GNG12: variants seen among roughly 807,000 people sequenced by gnomAD.
GNG12 encodes the protein guanine nucleotide-binding protein G(I)/G(S)/G(O) subunit gamma-12.
For synonymous variants in GNG12, 28 were observed against 29.7 expected, an observed-to-expected ratio of 0.94 and a Z score of 0.19; for missense variants, 69 against 83.8, an observed-to-expected ratio of 0.82 and a Z score of 0.69.
chr1:67,731,162 T>C (rs1313819192), intron 2 of GNG12, among the ~76,000 whole-genome samples: 1 of 152,152 alleles, frequency 6.6e-6, no homozygotes, highest in Non-Finnish European at 1.5e-5. Flanking sequence ...CTTGAGATTC[T>C]ACCCATGCTT....
intron 2 of GNG12, among the ~76,000 whole-genome samples, chr1:67,737,279 G>C (rs1199612462): frequency 6.6e-6 from 1 of 152,164 alleles, no homozygotes; most frequent in African/African-American, 2.4e-5. Flanking sequence ...CTAAAGCAAA[G>C]TCTAATTATA....
chr1:67,776,882 C>T (rs1201802246), intron 2 of GNG12, among the ~76,000 whole-genome samples: 1 of 152,124 alleles, frequency 6.6e-6, no homozygotes, highest in Non-Finnish European at 1.5e-5. Flanking sequence ...TGTATAGCCA[C>T]AATATTAGGG....
At chr1:67,807,521 A>G (rs777722942) in intron 1 of GNG12, among the ~76,000 whole-genome samples, 3 of 152,044 alleles carry the variant, frequency 2.0e-5, no homozygotes, top group Non-Finnish European at 4.4e-5. Flanking sequence ...AGAAAAATCA[A>G]TGAAACCAAA....
intron 1 of GNG12, among the ~76,000 whole-genome samples, chr1:67,828,941 A>T (rs1208344713): frequency 6.6e-6 from 1 of 152,278 alleles, no homozygotes; most frequent in African/African-American, 2.4e-5. Flanking sequence ...CAAAACAACA[A>T]TAAAATCCTG....
chr1:67,756,095 T>A (rs1415658627), intron 2 of GNG12, among the ~76,000 whole-genome samples: 1 of 151,466 alleles, frequency 6.6e-6, no homozygotes, highest in Non-Finnish European at 1.5e-5. Flanking sequence ...GGGCTTAGAG[T>A]GTGGGAGTGG....
chr1:67,733,409 C>A (rs540451319), intron 2 of GNG12, among the ~76,000 whole-genome samples: 1 of 152,120 alleles, frequency 6.6e-6, no homozygotes, highest in Non-Finnish European at 1.5e-5. Context: ...CCTCTTCTGG[C>A]CTTTGCAAAT....
chr1:67,770,231 T>C (rs1404530951), intron 2 of GNG12, among the ~76,000 whole-genome samples: 2 of 152,094 alleles, frequency 1.3e-5, no homozygotes, highest in Non-Finnish European at 2.9e-5. Flanking sequence ...GAGGATTCTG[T>C]GAGTAAGATT....
chr1:67,785,460 T>C (rs556911485), intron 1 of GNG12, among the ~76,000 whole-genome samples: 1 of 152,288 alleles, frequency 6.6e-6, no homozygotes, highest in East Asian at 1.9e-4. Flanking sequence ...TTCTACCTCC[T>C]ACTTTTTATC....
chr1:67,750,899 T>C (rs1646534945), intron 2 of GNG12, among the ~76,000 whole-genome samples: 1 of 152,262 alleles, frequency 6.6e-6, no homozygotes, highest in African/African-American at 2.4e-5. Context: ...CGTATTTTCA[T>C]ATTTTATGAC....
chr1:67,771,472 G>A (rs1019198526), intron 2 of GNG12, among the ~76,000 whole-genome samples: 1 of 152,208 alleles, frequency 6.6e-6, no homozygotes, highest in African/African-American at 2.4e-5. Flanking sequence ...TATTGTCCCG[G>A]ATGAGTGGTT....
intron 2 of GNG12, among the ~76,000 whole-genome samples, chr1:67,734,293 G>A (rs1313772998): frequency 1.3e-5 from 2 of 151,984 alleles, no homozygotes; most frequent in East Asian, 3.9e-4. Context: ...GAGGGTGAGG[G>A]CATGCTTCTT....
chr1:67,745,207 G>C (rs1225080587), intron 2 of GNG12, among the ~76,000 whole-genome samples: 1 of 152,208 alleles, frequency 6.6e-6, no homozygotes, highest in Non-Finnish European at 1.5e-5. Flanking sequence ...GGTAATAGAT[G>C]TGTCATCACA....
chr1:67,749,442 T>C (rs892209534), intron 2 of GNG12, among the ~76,000 whole-genome samples: 1 of 152,216 alleles, frequency 6.6e-6, no homozygotes, highest in African/African-American at 2.4e-5. Context: ...CAATAAATGT[T>C]TGCTGCTACT....
chr1:67,806,930 T>C, intron 1 of GNG12, among the ~76,000 whole-genome samples: 1 of 152,108 alleles, frequency 6.6e-6, no homozygotes, highest in East Asian at 1.9e-4. Context: ...TACCCATCAA[T>C]TGGATATAAT....
intron 2 of GNG12, among the ~76,000 whole-genome samples, chr1:67,743,002 A>G (rs572962509): frequency 1.3e-5 from 2 of 152,292 alleles, no homozygotes; most frequent in Non-Finnish European, 2.9e-5. Context: ...GGCATACAAA[A>G]TACTGGTGTT....
At position 67,833,427 on chromosome 1, in the gene GNG12, CCTCCTCCTCTTG is replaced by C. The variant is rs1476179659; in HGVS notation, c.-172_-161del. On this transcript the variant is annotated 5_prime_UTR_variant, in exon 1 of 4. Transcript: ENST00000370982. The stretch of plus-strand genomic sequence containing the variant: ...GGAGACGGCTCCGACCTCTCCTCCT[CCTCCTCCTCTTG>C]CTCCTCCGGGCGCCGGCTCCGCCTC... 2.0e-6 allele frequency: 2 copies of C among 985,338 alleles called. No individual in the cohort carries two copies. Among genetic ancestry groups the C allele is most frequent in the African/African-American group, 3.5e-5 (2 of 57,190 alleles). The allele number at this position is 985,338 out of a possible 1,614,324, so 61.0% of individuals were successfully genotyped here.
chr1:67,825,752 T>C (rs1000993524), intron 1 of GNG12, among the ~76,000 whole-genome samples: 1 of 152,120 alleles, frequency 6.6e-6, no homozygotes, highest in East Asian at 1.9e-4. Context: ...ATAACATGAA[T>C]CCCTCTCCAC....
chr1:67,736,314 C>A (rs527698253), intron 2 of GNG12, among the ~76,000 whole-genome samples: 6 of 152,086 alleles, frequency 3.9e-5, no homozygotes, highest in Non-Finnish European at 5.9e-5. Flanking sequence ...AACCCCCGAA[C>A]CAAGCAGCAG....
At chr1:67,818,209 A>G (rs1281167172) in intron 1 of GNG12, among the ~76,000 whole-genome samples, 1 of 152,176 alleles carries the variant, frequency 6.6e-6, no homozygotes, top group Admixed American at 6.5e-5. Context: ...ACCCTTATTC[A>G]TCCTTATGTC....
Sources: gnomAD v4.1 joint callset for allele counts (sites outside exome capture counted in the v4.1 genomes callset) on GRCh38, gnomAD v4.1.1 for gene constraint, MANE v1.5 for transcripts, NCBI Gene and HGNC (gene_info 2026-07-23, HGNC 2026-07-21) for gene names.